Variants in GPC5 observed in about 807,000 individuals in gnomAD.
GPC5 encodes the protein glypican 5.
A neutral mutation model predicts 53.9 loss-of-function variants in GPC5; 47 were observed. That is an observed-to-expected ratio of 0.87 (90% CI 0.69 to 1.11). The LOEUF (loss-of-function observed/expected upper bound fraction) is 1.11. Ranked by LOEUF, GPC5 falls within the 50% of genes most tolerant of loss-of-function variation. The pLI is 0.00. For synonymous variants in GPC5, 286 were observed against 263.3 expected (o/e 1.09, Z -0.84); for missense variants, 748 against 713.1 (o/e 1.05, Z -0.56).
intron 6 of GPC5, among the ~76,000 whole-genome samples, chr13:92,026,651 G>A (rs2040803323): frequency 6.6e-6 from 1 of 151,906 alleles, no homozygotes. Context: ...CTCCAGTGTT[G>A]CCAGTCATAA....
At chr13:92,612,223 A>G (rs1379312112) in intron 7 of GPC5, among the ~76,000 whole-genome samples, 5 of 152,102 alleles carry the variant, frequency 3.3e-5, no homozygotes, top group East Asian at 3.9e-4. Context: ...TTATTACCTA[A>G]TTTCAATATT....
intron 2 of GPC5, among the ~76,000 whole-genome samples, chr13:91,524,753 G>C (rs559638340): frequency 1.3e-5 from 2 of 152,236 alleles, no homozygotes; most frequent in African/African-American, 4.8e-5. Flanking sequence ...ATAGAGGAGA[G>C]AACATAATTC....
chr13:92,106,335 G>T (rs1217441103), intron 6 of GPC5, among the ~76,000 whole-genome samples: 3 of 152,062 alleles, frequency 2.0e-5, no homozygotes, highest in Admixed American at 6.5e-5. Flanking sequence ...AAAAATAAAA[G>T]ATTGAGTTAA....
At chr13:91,571,906 GTATATATACACATATTGTATA>G (rs2031858333) in intron 2 of GPC5, among the ~76,000 whole-genome samples, 1 of 80,432 alleles carries the variant, frequency 1.2e-5, no homozygotes, top group Non-Finnish European at 2.4e-5. Flanking sequence ...TACACATATT[GTATATATACACATATTGTATA>G]TATACACACA....
At chr13:92,235,177 C>G (rs1163207585) in intron 7 of GPC5, among the ~76,000 whole-genome samples, 1 of 152,056 alleles carries the variant, frequency 6.6e-6, no homozygotes, top group Non-Finnish European at 1.5e-5. Context: ...TTTACTTACT[C>G]CAGGATCTCT....
intron 5 of GPC5, among the ~76,000 whole-genome samples, chr13:91,906,404 TCA>T (rs2039553593): frequency 6.6e-6 from 1 of 152,088 alleles, no homozygotes; most frequent in Non-Finnish European, 1.5e-5. Context: ...TTATCTTTCC[TCA>T]CACTTGGCAT....
At chr13:92,101,058 A>G (rs1258169588) in intron 6 of GPC5, among the ~76,000 whole-genome samples, 1 of 152,210 alleles carries the variant, frequency 6.6e-6, no homozygotes, top group African/African-American at 2.4e-5. Flanking sequence ...ATGGACATTA[A>G]TAATAATAGT....
intron 2 of GPC5, among the ~76,000 whole-genome samples, chr13:91,647,965 C>A (rs16946371): frequency 3.9e-5 from 6 of 152,274 alleles, no homozygotes; most frequent in African/African-American, 1.2e-4. Context: ...GCCTGTAATC[C>A]TGTTCTCTGA....
chr13:91,986,227 G>A (rs61966393), intron 6 of GPC5, among the ~76,000 whole-genome samples: 8,498 of 151,622 alleles, frequency 0.056, 318 homozygotes, highest in Non-Finnish European at 0.086. Context: ...CACCATGCCC[G>A]GCTAATTTTT....
chr13:91,955,049 G>A (rs1431596326), intron 6 of GPC5, among the ~76,000 whole-genome samples: 2 of 152,120 alleles, frequency 1.3e-5, no homozygotes, highest in East Asian at 1.9e-4. Flanking sequence ...TGTATAGCAT[G>A]AGACTATATG....
At position 91,580,050 on chromosome 13, in the gene GPC5, A is replaced by C. The variant is rs543230384; in HGVS notation, c.326-113137A>C. Among the ~76,000 whole-genome samples, 132 of 151,338 alleles carry C rather than the reference A, an allele frequency of 8.7e-4. 1 individual carries two copies. Among genetic ancestry groups the C allele is most frequent in the African/African-American group, 3.0e-3 (125 of 41,292 alleles). ...AACACATTTTATTATAATTAATCTCAATACTTAAGGTGCATTTTGAAACAG... is the reference window on the plus strand; with the variant it reads ...AACACATTTTATTATAATTAATCTCCATACTTAAGGTGCATTTTGAAACAG... On this transcript the variant is annotated intron_variant, in intron 2 of 7. Coordinates refer to ENST00000377067, the MANE Select transcript of GPC5 (RefSeq NM_004466.6).
intron 6 of GPC5, among the ~76,000 whole-genome samples, chr13:92,111,403 A>G (rs2041555515): frequency 6.6e-6 from 1 of 152,166 alleles, no homozygotes. Context: ...CTCTGTAGGT[A>G]CCAGAAAGCC....
At chr13:92,438,197 C>T (rs888315290) in intron 7 of GPC5, among the ~76,000 whole-genome samples, 10 of 151,600 alleles carry the variant, frequency 6.6e-5, no homozygotes, top group Non-Finnish European at 7.4e-5. Flanking sequence ...CAATAAAATA[C>T]GAGCTGTATA....
At chr13:92,358,905 AT>A (rs35430337) in intron 7 of GPC5, among the ~76,000 whole-genome samples, 3 of 150,218 alleles carry the variant, frequency 2.0e-5, no homozygotes, top group South Asian at 2.1e-4. Flanking sequence ...ATTTCAAGGC[AT>A]TTTTTTTTCA....
intron 7 of GPC5, among the ~76,000 whole-genome samples, chr13:92,799,792 C>A (rs1326837632): frequency 1.3e-5 from 2 of 151,732 alleles, no homozygotes; most frequent in African/African-American, 4.8e-5. Context: ...GTCTATCAGT[C>A]GCTTTTCTCC....
At chr13:92,724,767 G>A (rs1056815649) in intron 7 of GPC5, among the ~76,000 whole-genome samples, 4 of 151,446 alleles carry the variant, frequency 2.6e-5, no homozygotes, top group Admixed American at 1.3e-4. Flanking sequence ...TATGCAAAAT[G>A]AGCAAGTTAT....
intron 6 of GPC5, among the ~76,000 whole-genome samples, chr13:92,061,403 T>A (rs1306442049): frequency 1.3e-5 from 2 of 152,058 alleles, no homozygotes; most frequent in Admixed American, 6.5e-5. Context: ...AGAATTTGTT[T>A]TAGACAGCTT....
At chr13:91,895,985 G>A (rs1026435653) in intron 5 of GPC5, among the ~76,000 whole-genome samples, 1 of 151,986 alleles carries the variant, frequency 6.6e-6, no homozygotes, top group East Asian at 1.9e-4. Flanking sequence ...CTCTGCCTCC[G>A]TGGTCCCATT....
chr13:92,537,758 A>G (rs1304456621), intron 7 of GPC5, among the ~76,000 whole-genome samples: 1 of 152,060 alleles, frequency 6.6e-6, no homozygotes, highest in Non-Finnish European at 1.5e-5. Context: ...AGCTCATTCC[A>G]AGCTCCTTAG....
Sources: allele counts gnomAD v4.1 joint callset (sites outside exome capture counted in the v4.1 genomes callset), GRCh38; gene constraint gnomAD v4.1.1; transcripts MANE v1.5; gene names NCBI Gene and HGNC (gene_info 2026-07-23, HGNC 2026-07-21).